CPAMD8: variants seen among roughly 807,000 people sequenced by gnomAD.
The protein encoded by CPAMD8 is C3 and PZP-like alpha-2-macroglobulin domain-containing protein 8.
A neutral mutation model predicts 224.7 loss-of-function variants in CPAMD8; 146 were observed. The ratio of observed to expected loss-of-function variants is 0.65; its 90% CI spans 0.57 to 0.75. CPAMD8 has a LOEUF of 0.75. Ranked by LOEUF, CPAMD8 falls within the 30% of genes least tolerant of loss-of-function variation. The probability of loss-of-function intolerance (pLI) is 0.00; values close to 1 mark genes in which losing one functional copy is unlikely to be tolerated. For synonymous variants in CPAMD8, 966 were observed against 1,044.6 expected (o/e 0.92, Z 1.45); for missense variants, 2,301 against 2,537.5 (o/e 0.91, Z 2.00).
Position 16,903,749 on chromosome 19 carries a change from T to C in CPAMD8, c.4360A>G (p.Thr1454Ala), listed in dbSNP as rs753069410. 8 of 1,614,026 alleles carry C rather than the reference T, an allele frequency of 5.0e-6. No homozygotes were observed. The African/African-American group carries it at 9.3e-5, about 19-fold the overall frequency. Residue 1454 changes from threonine (T) to alanine (A), a missense_variant, in exon 33 of 42, where the codon ACC (threonine) becomes GCC (alanine). Physicochemically the swap from Thr to Ala is moderately conservative, Grantham distance 58. Coordinates refer to ENST00000443236, the MANE Select transcript of CPAMD8 (RefSeq NM_015692.5). ...LASTNLDYQE[T>A]FELHRTNQKV... ...TGGTTGGTCCTGTGCAGCTCGAAGG[T>C]TTCCTGGTAGTCCAGGTTGGTGGAG...
At position 17,022,246 on chromosome 19, in the gene CPAMD8, C is replaced by T. The variant is rs1036660417; in HGVS notation, c.93-65G>A. On this transcript the variant is annotated intron_variant, in intron 1 of 41. Transcript: ENST00000443236. ...ACCCCTGGTCTCGCTGCCACCACAG[C>T]TAGGTCAGGGCTCTCCTCGCAGCAG... is the stretch of plus-strand genomic sequence containing the variant. 10 of 1,553,608 alleles carry T rather than the reference C, an allele frequency of 6.4e-6. No individual in the cohort carries two copies. The South Asian group carries it at 1.1e-4, about 17-fold the overall frequency.
At chr19:16,993,056 G>A (rs1270612142) in intron 12 of CPAMD8, among the ~76,000 whole-genome samples, 3 of 152,106 alleles carry the variant, frequency 2.0e-5, no homozygotes, top group Non-Finnish European at 4.4e-5. Context: ...CAATGTAGTT[G>A]AGCACTTGTG....
Position 16,952,089 on chromosome 19 carries a change from G to C in CPAMD8, c.2388C>G (p.Pro796=). 1 of 1,560,534 alleles carries C rather than the reference G, an allele frequency of 6.4e-7. No individual in the cohort carries two copies. ...AGGGCTTGAAGGTCTTCAGCAGGGA[G>C]GGCTCGGCGATGCCTAAGCCCTGAG... The part of the protein sequence containing the change: ...STSQGLGIAE[P]SLLKTFKPFF... Residue 796 remains proline, a synonymous_variant, in exon 20 of 42, where the codon CCC becomes CCG. Transcript: ENST00000443236.
intron 23 of CPAMD8, among the ~76,000 whole-genome samples, chr19:16,930,421 T>C (rs2053511689): frequency 6.7e-6 from 1 of 149,650 alleles, no homozygotes; most frequent in Admixed American, 6.6e-5. Context: ...CATCTGGTAC[T>C]TGCCTCCTTG....
chr19:17,026,715 C>A lies in CPAMD8; in HGVS notation c.-73G>T. On this transcript the variant is annotated 5_prime_UTR_variant, in exon 1 of 42. Coordinates refer to ENST00000443236, the MANE Select transcript of CPAMD8 (RefSeq NM_015692.5). ...GGCTGGGCCAGGGCCAGGGTCCGAG[C>A]GCGGCCGTCCTCGCGCCGCCGCCGG... The A allele has an allele frequency of 8.1e-7, 1 of 1,230,014 alleles. No individual in the cohort carries two copies. Among genetic ancestry groups the A allele is most frequent in the Non-Finnish European group, 1.0e-6 (1 of 986,842 alleles). 76.2% of individuals were successfully genotyped at this position (1,230,014 alleles called of 1,614,324 possible). A position where few individuals can be genotyped will look rare whatever the true frequency, so the allele number is the denominator to read the frequency against.
chr19:16,894,368 G>A (rs765351088), intron 41 of CPAMD8: 2 of 456,510 alleles, frequency 4.4e-6, no homozygotes, highest in South Asian at 3.1e-5. Flanking sequence ...GGCTGATAGG[G>A]ACAGGATGCA....
chr19:16,992,378 C>T (rs1261480382), intron 12 of CPAMD8, among the ~76,000 whole-genome samples: 1 of 152,140 alleles, frequency 6.6e-6, no homozygotes, highest in Non-Finnish European at 1.5e-5. Flanking sequence ...TGGCTTGAGT[C>T]CAGGAGTTTG....
At position 16,902,552 on chromosome 19, in the gene CPAMD8, G is replaced by A. The variant is rs184659638; in HGVS notation, c.4685+97C>T. 3,039 of 709,648 alleles carry A rather than the reference G, an allele frequency of 4.3e-3. 13 individuals are homozygous for A. The highest frequency in any genetic ancestry group is 6.4e-3 in the Non-Finnish European group (2,600 of 408,408). 44.0% of individuals were successfully genotyped at this position (709,648 alleles called of 1,614,324 possible). On this transcript the variant is annotated intron_variant, in intron 35 of 41. Coordinates refer to ENST00000443236, the MANE Select transcript of CPAMD8 (RefSeq NM_015692.5). ...AACAAAACAAAAACCACCACTGAGT[G>A]CCTGGAGCCGGAAGCTCCTCCTGGT... is the stretch of plus-strand genomic sequence containing the variant.
rs746202791 is a variant in CPAMD8, at chr19:16,947,089, G to A, written c.2647C>T (p.Leu883Phe). The change falls in exon 21 of 42, where the codon CTC becomes TTC. Residue 883 changes from leucine (L) to phenylalanine (F), a missense_variant. This residue lies in a region of CPAMD8 where 1,709 missense variants were observed against 1,753.2 expected (regional missense o/e 0.97). Coordinates refer to ENST00000443236, the MANE Select transcript of CPAMD8 (RefSeq NM_015692.5). ...WVVLSFSDLGLNNITAKALAY... is the reference protein window; with the variant it reads ...WVVLSFSDLGFNNITAKALAY... Reference sequence around the variant, plus strand: ...GGGTCCTCACCCGTGATGTTGTTGAGTCCCAGGTCGCTGAAGGACAGAACG... The same window carrying A: ...GGGTCCTCACCCGTGATGTTGTTGAATCCCAGGTCGCTGAAGGACAGAACG... The A allele has an allele frequency of 1.5e-4, 238 of 1,610,434 alleles. 1 individual carries two copies. The highest frequency in any genetic ancestry group is 1.9e-4 in the Non-Finnish European group (225 of 1,178,030).
chr19:16,965,447 T>C (rs1964637556), intron 18 of CPAMD8, among the ~76,000 whole-genome samples: 1 of 152,092 alleles, frequency 6.6e-6, no homozygotes. Context: ...AAGGATGCCC[T>C]CTCTCACCAC....
chr19:16,910,129 G>C (rs1340423887), intron 29 of CPAMD8, among the ~76,000 whole-genome samples: 1 of 152,078 alleles, frequency 6.6e-6, no homozygotes, highest in Non-Finnish European at 1.5e-5. Flanking sequence ...TGAGATTATA[G>C]GCATGAGCCA....
intron 28 of CPAMD8, 44 bp from the exon 29 acceptor site, chr19:16,914,542 G>T: frequency 6.2e-7 from 1 of 1,610,368 alleles, no homozygotes; most frequent in Non-Finnish European, 8.5e-7. Context: ...AAAGGAGACA[G>T]TCCACTTCCC....
At chr19:16,978,632 G>C (rs888583712) in intron 14 of CPAMD8, among the ~76,000 whole-genome samples, 4 of 152,154 alleles carry the variant, frequency 2.6e-5, no homozygotes, top group Non-Finnish European at 4.4e-5. Flanking sequence ...CCGGTGAATA[G>C]AAGCCAGAGA....
chr19:16,957,033 T>C (rs538074904), intron 19 of CPAMD8, among the ~76,000 whole-genome samples: 2 of 152,272 alleles, frequency 1.3e-5, no homozygotes, highest in Admixed American at 6.5e-5. Flanking sequence ...AGAAAGTAGA[T>C]ACATTTGAAT....
chr19:16,951,084 C>T lies in CPAMD8; in HGVS notation c.2508+885G>A, dbSNP rs140707478. Among the ~76,000 whole-genome samples the T allele has an allele frequency of 1.9e-4, 29 of 152,274 alleles. No homozygotes were observed. The East Asian group carries it at 5.2e-3, about 27-fold the overall frequency. ...CCCCAATAATATCATCGAAAAACAGCCCTGCTTAATGTTCTCAGTGTCTAC... is the reference window on the plus strand; with the variant it reads ...CCCCAATAATATCATCGAAAAACAGTCCTGCTTAATGTTCTCAGTGTCTAC... On this transcript the variant is annotated intron_variant, in intron 20 of 41. Transcript: ENST00000443236.
At chr19:16,920,630 C>A (rs867753105) in intron 27 of CPAMD8, among the ~76,000 whole-genome samples, 4 of 152,020 alleles carry the variant, frequency 2.6e-5, no homozygotes, top group Non-Finnish European at 5.9e-5. Context: ...CCAAGGCAGG[C>A]GGATCATCTG....
chr19:17,022,827 A>G (rs1023588777), intron 1 of CPAMD8, among the ~76,000 whole-genome samples: 2 of 151,908 alleles, frequency 1.3e-5, no homozygotes, highest in African/African-American at 4.8e-5. Context: ...TGCACATGTC[A>G]TGCCCACTGT....
chr19:16,895,255 C>A (rs1568441133), intron 41 of CPAMD8: 1 of 152,052 alleles, frequency 6.6e-6, no homozygotes, highest in African/African-American at 2.4e-5. Context: ...ACTAAAAATA[C>A]AAAAAAAATT....
chr19:16,979,217 TATCCATCC>T (rs368813862), intron 14 of CPAMD8, among the ~76,000 whole-genome samples: 3 of 146,462 alleles, frequency 2.0e-5, no homozygotes, highest in African/African-American at 5.2e-5. Context: ...GCCCACCCAC[TATCCATCC>T]ATCCATCCAT....
Sources: gnomAD v4.1 joint callset for allele counts (sites outside exome capture counted in the v4.1 genomes callset) on GRCh38, gnomAD v4.1.1 for gene constraint, gnomAD v4.1.1 regional missense constraint, MANE v1.5 for transcripts, NCBI Gene and HGNC (gene_info 2026-07-23, HGNC 2026-07-21) for gene names.